Variants in NUDT3 observed in about 807,000 individuals in gnomAD.
NUDT3 encodes the protein nudix hydrolase 3.
A neutral mutation model predicts 23.6 loss-of-function variants in NUDT3; 9 were observed. That is an observed-to-expected ratio of 0.38 (90% CI 0.23 to 0.66). The LOEUF (loss-of-function observed/expected upper bound fraction) is 0.66, where lower values mean the gene tolerates loss of function less well. Among genes scored for constraint, NUDT3 ranks in the 30% least tolerant of loss-of-function variants. The pLI, the probability that NUDT3 is intolerant of heterozygous loss-of-function variation, is 0.52. For synonymous variants in NUDT3, 86 were observed against 82.6 expected (o/e 1.04, Z -0.22); for missense variants, 172 against 218.5 (o/e 0.79, Z 1.34).
intron 2 of NUDT3, 52 bp downstream of exon 2, chr6:34,341,810 G>T: frequency 2.0e-6 from 3 of 1,534,814 alleles, no homozygotes; most frequent in Non-Finnish European, 9.0e-7. Context: ...ACACAGATAG[G>T]ACAGGTTCAT....
chr6:34,392,166 G>A (rs1417283396), intron 1 of NUDT3, 98 bp downstream of exon 1: 16 of 849,958 alleles, frequency 1.9e-5, no homozygotes, highest in Admixed American at 2.7e-5. Flanking sequence ...GAGCGGGGCG[G>A]CCCTGGCACA....
At position 34,294,727 on chromosome 6, in the gene NUDT3, A is replaced by G. The variant is rs28497741; in HGVS notation, c.255+914T>C. Among the ~76,000 whole-genome samples the G allele has an allele frequency of 7.2e-3, 1,062 of 147,890 alleles. 12 individuals are homozygous for G. Among genetic ancestry groups the G allele is most frequent in the Middle Eastern group, 0.017 (5 of 286 alleles). ...GGTGACAGAGCAAGACTCTGTCTCA[A>G]AAAAAAAAAAAAGATTTATTTACAT... On this transcript the variant is annotated intron_variant, in intron 3 of 4. Transcript: ENST00000607016.
chr6:34,345,698 C>T (rs1016266022), intron 1 of NUDT3, among the ~76,000 whole-genome samples: 4 of 147,336 alleles, frequency 2.7e-5, no homozygotes, highest in African/African-American at 1.0e-4. Context: ...GGACTCAGTG[C>T]TACTACTTTT....
chr6:34,331,506 G>A (rs540878875), intron 2 of NUDT3, among the ~76,000 whole-genome samples: 1 of 152,298 alleles, frequency 6.6e-6, no homozygotes, highest in African/African-American at 2.4e-5. Flanking sequence ...CCAACCTGAA[G>A]ATGGACTGTT....
intron 1 of NUDT3, among the ~76,000 whole-genome samples, chr6:34,374,080 C>G (rs1274679913): frequency 2.7e-5 from 4 of 146,856 alleles, no homozygotes; most frequent in Non-Finnish European, 5.9e-5. Context: ...TCACTTGAAC[C>G]TGGGAGGCAG....
intron 2 of NUDT3, among the ~76,000 whole-genome samples, chr6:34,299,306 T>A (rs1411551056): frequency 6.6e-6 from 1 of 152,246 alleles, no homozygotes; most frequent in South Asian, 2.1e-4. Context: ...TCAATCTATA[T>A]GTCAAAAGCC....
At chr6:34,304,174 A>C (rs2113703772) in intron 2 of NUDT3, among the ~76,000 whole-genome samples, 1 of 150,362 alleles carries the variant, frequency 6.7e-6, no homozygotes, top group African/African-American at 2.4e-5. Flanking sequence ...AACCACTTGA[A>C]CCTGGGATGC....
intron 2 of NUDT3, among the ~76,000 whole-genome samples, chr6:34,321,872 T>C (rs2113717945): frequency 6.6e-6 from 1 of 152,366 alleles, no homozygotes; most frequent in East Asian, 1.9e-4. Context: ...ATGTAGCTAC[T>C]GAGCACTTGA....
chr6:34,384,653 T>C (rs1020642995), intron 1 of NUDT3, among the ~76,000 whole-genome samples: 1 of 152,228 alleles, frequency 6.6e-6, no homozygotes, highest in African/African-American at 2.4e-5. Flanking sequence ...TACCCAATTT[T>C]GGATTATAAA....
intron 3 of NUDT3, among the ~76,000 whole-genome samples, chr6:34,293,941 ACCCACCCACACCCCTCTT>A (rs1280172423): frequency 6.6e-6 from 1 of 151,962 alleles, no homozygotes; most frequent in Non-Finnish European, 1.5e-5. Flanking sequence ...ACACACACAC[ACCCACCCACACCCCTCTT>A]CCCACCCACA....
At position 34,349,877 on chromosome 6, in the gene NUDT3, T is replaced by G. The variant is rs1023280164; in HGVS notation, c.100-7905A>C. On this transcript the variant is annotated intron_variant, in intron 1 of 4. Transcript: ENST00000607016. The stretch of plus-strand genomic sequence containing the variant: ...AGGCTGAGGCGGGCGGATCACAAGG[T>G]CAGGAGATCGAGACCATCCTGGTTA... Among the ~76,000 whole-genome samples the G allele has an allele frequency of 1.1e-3, 169 of 150,452 alleles. 10 individuals are homozygous for G. Among genetic ancestry groups the G allele is most frequent in the African/African-American group, 4.0e-3 (160 of 40,432 alleles).
At chr6:34,358,744 CAG>C in intron 1 of NUDT3, among the ~76,000 whole-genome samples, 2 of 152,128 alleles carry the variant, frequency 1.3e-5, no homozygotes, top group East Asian at 3.9e-4. Flanking sequence ...GAGCAATAAC[CAG>C]AGAGTAGACA....
chr6:34,290,831 G>T (rs1451119504), intron 4 of NUDT3, among the ~76,000 whole-genome samples: 2 of 150,678 alleles, frequency 1.3e-5, no homozygotes, highest in Non-Finnish European at 3.0e-5. Flanking sequence ...GTCTCAGTCT[G>T]TCACCCAGGC....
intron 2 of NUDT3, among the ~76,000 whole-genome samples, chr6:34,302,670 T>C (rs562454733): frequency 6.6e-6 from 1 of 151,836 alleles, no homozygotes; most frequent in Non-Finnish European, 1.5e-5. Context: ...AGGCGGAGAT[T>C]GCAGTGAGCC....
intron 2 of NUDT3, among the ~76,000 whole-genome samples, chr6:34,314,210 G>C (rs1037083216): frequency 3.3e-5 from 5 of 151,956 alleles, no homozygotes; most frequent in African/African-American, 9.7e-5. Flanking sequence ...ATCACTTGAG[G>C]CCAGGAGTTT....
At position 34,363,837 on chromosome 6, in the gene NUDT3, A is replaced by G. The variant is rs866418487; in HGVS notation, c.100-21865T>C. Among the ~76,000 whole-genome samples the G allele has an allele frequency of 4.6e-5, 7 of 150,892 alleles. No individual in the cohort carries two copies. The South Asian group carries it at 6.2e-4, about 13-fold the overall frequency. Reference sequence around the variant, plus strand: ...ACCCAGGCTGGAGTGCAGTAGCGCGATCTCAGCTCACTGCAACCTCCTCCT... The same window carrying G: ...ACCCAGGCTGGAGTGCAGTAGCGCGGTCTCAGCTCACTGCAACCTCCTCCT... On this transcript the variant is annotated intron_variant, in intron 1 of 4. Coordinates refer to ENST00000607016, the MANE Select transcript of NUDT3 (RefSeq NM_006703.4).
At chr6:34,380,410 T>G (rs1288628006) in intron 1 of NUDT3, among the ~76,000 whole-genome samples, 1 of 152,076 alleles carries the variant, frequency 6.6e-6, no homozygotes, top group Admixed American at 6.6e-5. Context: ...TGGAGTACAG[T>G]GGCACGACCA....
At chr6:34,294,255 G>A (rs1192199784) in intron 3 of NUDT3, among the ~76,000 whole-genome samples, 1 of 151,838 alleles carries the variant, frequency 6.6e-6, no homozygotes, top group Non-Finnish European at 1.5e-5. Context: ...GAAAGTGCTG[G>A]GATTACATAT....
intron 2 of NUDT3, among the ~76,000 whole-genome samples, chr6:34,297,760 A>ATATATATTT (rs1763535832): frequency 1.9e-5 from 1 of 53,654 alleles, no homozygotes; most frequent in African/African-American, 1.1e-4. Context: ...TATATATATA[A>ATATATATTT]TTTTTTTTTT....
Sources: allele counts gnomAD v4.1 joint callset (sites outside exome capture counted in the v4.1 genomes callset), GRCh38; gene constraint gnomAD v4.1.1; transcripts MANE v1.5; gene names NCBI Gene and HGNC (gene_info 2026-07-23, HGNC 2026-07-21).